The following SCAPER variants were observed in gnomAD, a reference collection of about 807,000 sequenced individuals.
The protein encoded by SCAPER is S-phase cyclin A associated protein in the ER, also known as S phase cyclin A-associated protein in the endoplasmic reticulum.
A neutral mutation model predicts 182.2 loss-of-function variants in SCAPER; 98 were observed. The ratio of observed to expected loss-of-function variants is 0.54; its 90% CI spans 0.46 to 0.64. The LOEUF (loss-of-function observed/expected upper bound fraction) is 0.64. Ranked by LOEUF, SCAPER falls within the 30% of genes least tolerant of loss-of-function variation. The pLI is 0.00. For missense variants in SCAPER, 1,432 were observed against 1,690.0 expected (o/e 0.85, Z 2.68); for synonymous variants, 605 against 564.6 (o/e 1.07, Z -1.01).
intron 22 of SCAPER, 46 bp from the exon 23 acceptor site, chr15:76,574,330 T>C: frequency 6.3e-7 from 1 of 1,583,714 alleles, no homozygotes; most frequent in Non-Finnish European, 8.6e-7. Flanking sequence ...TGAAACAGAC[T>C]ATAATCTTCA....
rs149746590 is a variant in SCAPER at position 76,827,003 on chromosome 15, C to T, written c.393+14731G>A. On this transcript the variant is annotated intron_variant, in intron 5 of 31. Coordinates refer to ENST00000563290, the MANE Select transcript of SCAPER (RefSeq NM_020843.4). ...TTTGGTTTCTATTACCAATCACATA[C>T]ATGATTTTCATTCTTTTTTTTCTGA... 1.5e-3 allele frequency among the ~76,000 whole-genome samples: 231 copies of T among 152,288 alleles called. 2 individuals are homozygous for T. Among genetic ancestry groups the T allele is most frequent in the African/African-American group, 5.1e-3 (210 of 41,564 alleles).
At chr15:76,665,251 A>G (rs766146387) in intron 21 of SCAPER, among the ~76,000 whole-genome samples, 31 of 152,178 alleles carry the variant, frequency 2.0e-4, no homozygotes, top group South Asian at 1.2e-3. Flanking sequence ...AAATTGATTA[A>G]GCCTAGTCAT....
chr15:76,790,557 T>C (rs1476988698), intron 8 of SCAPER, among the ~76,000 whole-genome samples: 1 of 152,168 alleles, frequency 6.6e-6, no homozygotes, highest in East Asian at 1.9e-4. Context: ...GTCAATCCTT[T>C]TGTTTTTCCA....
At chr15:76,627,412 G>A (rs971448153) in intron 21 of SCAPER, among the ~76,000 whole-genome samples, 6 of 151,834 alleles carry the variant, frequency 4.0e-5, no homozygotes, top group African/African-American at 9.7e-5. Flanking sequence ...CCCAGCATGC[G>A]TTAGCTATTT....
At chr15:76,534,259 T>A (rs2043934278) in intron 23 of SCAPER, among the ~76,000 whole-genome samples, 1 of 152,180 alleles carries the variant, frequency 6.6e-6, no homozygotes, top group Non-Finnish European at 1.5e-5. Context: ...ACAACTGACA[T>A]CATGACTAGT....
rs1405171350 is a variant in SCAPER at position 76,664,891 on chromosome 15, CAG to C, written c.2645+760_2645+761del. Among the ~76,000 whole-genome samples the C allele has an allele frequency of 2.0e-5, 3 of 152,140 alleles. No homozygotes were observed. The East Asian group carries it at 5.8e-4, about 29-fold the overall frequency. The stretch of plus-strand genomic sequence containing the variant: ...GATCATTATCTAAACACTGAAACTA[CAG>C]AGAGATAACTGCACTGTTCACTATT... On this transcript the variant is annotated intron_variant, in intron 21 of 31. Transcript: ENST00000563290.
At chr15:76,698,408 C>T (rs559758291) in intron 20 of SCAPER, among the ~76,000 whole-genome samples, 1 of 152,020 alleles carries the variant, frequency 6.6e-6, no homozygotes, top group Non-Finnish European at 1.5e-5. Context: ...TTATAGCTAC[C>T]GTGAACTGGC....
At chr15:76,443,332 C>T (rs1241664844) in intron 25 of SCAPER, among the ~76,000 whole-genome samples, 2 of 152,200 alleles carry the variant, frequency 1.3e-5, no homozygotes, top group African/African-American at 4.8e-5. Flanking sequence ...AAAGATAAGA[C>T]ATCCATTTGA....
At chr15:76,573,400 GAAAAC>G (rs759434951) in intron 23 of SCAPER, among the ~76,000 whole-genome samples, 12 of 151,116 alleles carry the variant, frequency 7.9e-5, no homozygotes, top group East Asian at 1.9e-4. Flanking sequence ...TTTAAACCCA[GAAAAC>G]AAAACAAAAC....
chr15:76,892,617 TGA>T (rs1374575946), intron 1 of SCAPER, among the ~76,000 whole-genome samples: 1 of 152,154 alleles, frequency 6.6e-6, no homozygotes. Context: ...AAAACCACGA[TGA>T]GATACCATCT....
At chr15:76,773,570 G>A (rs960464027) in intron 9 of SCAPER, among the ~76,000 whole-genome samples, 2 of 151,798 alleles carry the variant, frequency 1.3e-5, no homozygotes, top group Admixed American at 6.6e-5. Context: ...CTTCCTATGC[G>A]TTTAGGACTC....
intron 26 of SCAPER, among the ~76,000 whole-genome samples, chr15:76,409,798 G>T (rs1328325295): frequency 2.6e-5 from 4 of 151,602 alleles, no homozygotes; most frequent in Non-Finnish European, 5.9e-5. Context: ...CTATCTCAAG[G>T]CCTACTTTTG....
chr15:76,676,123 C>A (rs1215362690), intron 20 of SCAPER, among the ~76,000 whole-genome samples: 2 of 152,246 alleles, frequency 1.3e-5, no homozygotes, highest in Non-Finnish European at 1.5e-5. Flanking sequence ...CTGTGCCCGG[C>A]TGAAACTGGG....
intron 17 of SCAPER, among the ~76,000 whole-genome samples, chr15:76,712,559 C>T (rs2059647953): frequency 6.6e-6 from 1 of 152,118 alleles, no homozygotes; most frequent in East Asian, 1.9e-4. Flanking sequence ...ATTGATTCTT[C>T]CTACCCATGA....
At chr15:76,473,813 T>C (rs1423527190) in intron 24 of SCAPER, among the ~76,000 whole-genome samples, 1 of 152,092 alleles carries the variant, frequency 6.6e-6, no homozygotes, top group Non-Finnish European at 1.5e-5. Flanking sequence ...TTATTATTAT[T>C]ATTTTTTGAG....
chr15:76,669,789 T>G (rs1428076647), intron 20 of SCAPER, among the ~76,000 whole-genome samples: 1 of 152,216 alleles, frequency 6.6e-6, no homozygotes, highest in East Asian at 1.9e-4. Flanking sequence ...ATGCTGCTCA[T>G]GCAGGCTAGT....
chr15:76,760,564 G>C (rs1194084761), intron 14 of SCAPER, among the ~76,000 whole-genome samples: 1 of 152,066 alleles, frequency 6.6e-6, no homozygotes, highest in Non-Finnish European at 1.5e-5. Flanking sequence ...ACTGGCTTTG[G>C]CAATCAACCA....
chr15:76,805,534 G>A (rs1598831829), intron 5 of SCAPER, among the ~76,000 whole-genome samples: 2 of 146,650 alleles, frequency 1.4e-5, no homozygotes, highest in African/African-American at 2.5e-5. Flanking sequence ...CTCTTTTCAT[G>A]TACATTAGAC....
At chr15:76,554,147 G>C (rs534372086) in intron 23 of SCAPER, among the ~76,000 whole-genome samples, 2 of 152,302 alleles carry the variant, frequency 1.3e-5, no homozygotes, top group African/African-American at 4.8e-5. Flanking sequence ...AAACTGATCT[G>C]ATAGAGCTGA....
Sources: gnomAD v4.1 joint callset for allele counts (sites outside exome capture counted in the v4.1 genomes callset) on GRCh38, gnomAD v4.1.1 for gene constraint, MANE v1.5 for transcripts, NCBI Gene and HGNC (gene_info 2026-07-23, HGNC 2026-07-21) for gene names.